Variants in MCC observed in about 807,000 individuals in gnomAD.
MCC encodes MCC regulator of Wnt signaling pathway.
Under a neutral mutation model 116.2 loss-of-function variants are expected in MCC, and 90 were observed. The observed-to-expected ratio is 0.77, with a 90% CI of 0.65 to 0.92. The LOEUF is 0.92. MCC is among the 40% of genes least tolerant of loss of function. The pLI is 0.00. For missense variants in MCC, 1,516 were observed against 1,312.2 expected, an observed-to-expected ratio of 1.16 and a Z score of -2.40; for synonymous variants, 578 against 510.5, an observed-to-expected ratio of 1.13 and a Z score of -1.78.
At chr5:113,283,367 G>A (rs963187169) in intron 3 of MCC, among the ~76,000 whole-genome samples, 12 of 152,166 alleles carry the variant, frequency 7.9e-5, no homozygotes, top group African/African-American at 2.9e-4. Context: ...TTAAGGACTT[G>A]AACAGATATT....
chr5:113,483,228 C>T (rs1772425272), intron 1 of MCC, among the ~76,000 whole-genome samples: 1 of 152,152 alleles, frequency 6.6e-6, no homozygotes, highest in African/African-American at 2.4e-5. Flanking sequence ...TGTTCTTTTT[C>T]AAGATTGTTT....
chr5:113,307,300 ACTT>A (rs1767013178), intron 3 of MCC, among the ~76,000 whole-genome samples: 1 of 152,184 alleles, frequency 6.6e-6, no homozygotes, highest in Non-Finnish European at 1.5e-5. Flanking sequence ...CTTTTCGTTT[ACTT>A]AAGTTTGCTT....
At chr5:113,385,346 C>T in intron 1 of MCC, 134 bp from the exon 2 acceptor site, 1 of 942,318 alleles carries the variant, frequency 1.1e-6, no homozygotes, top group Non-Finnish European at 1.6e-6. Context: ...CTCATTGTTT[C>T]TAGAAAAGTG....
At chr5:113,309,780 C>T (rs1767092234) in intron 3 of MCC, among the ~76,000 whole-genome samples, 2 of 152,110 alleles carry the variant, frequency 1.3e-5, no homozygotes, top group African/African-American at 4.8e-5. Flanking sequence ...TGGTCTGTTA[C>T]ACATTCTTAA....
At chr5:113,316,103 A>G (rs764461535) in intron 3 of MCC, among the ~76,000 whole-genome samples, 1 of 152,032 alleles carries the variant, frequency 6.6e-6, no homozygotes, top group Non-Finnish European at 1.5e-5. Context: ...TAAAAATACA[A>G]AACTTAGCTG....
chr5:113,174,345 T>G (rs1761220754), intron 3 of MCC, among the ~76,000 whole-genome samples: 1 of 152,212 alleles, frequency 6.6e-6, no homozygotes, highest in South Asian at 2.1e-4. Flanking sequence ...GTACCTACAC[T>G]GCTGGTATGG....
intron 13 of MCC, among the ~76,000 whole-genome samples, chr5:113,064,693 T>C (rs1379989651): frequency 6.6e-6 from 1 of 152,186 alleles, no homozygotes; most frequent in African/African-American, 2.4e-5. Flanking sequence ...GTATTATAGG[T>C]ACCGATGCCA....
At chr5:113,389,197 G>C (rs1769346146) in intron 1 of MCC, among the ~76,000 whole-genome samples, 1 of 152,192 alleles carries the variant, frequency 6.6e-6, no homozygotes, top group South Asian at 2.1e-4. Flanking sequence ...TGGAGAACTT[G>C]AATCGCAGGG....
At chr5:113,482,414 C>T (rs1451623054) in intron 1 of MCC, among the ~76,000 whole-genome samples, 1 of 152,144 alleles carries the variant, frequency 6.6e-6, no homozygotes, top group Non-Finnish European at 1.5e-5. Context: ...ACATCCTTGT[C>T]AACACTTATT....
At chr5:113,208,373 G>C (rs1451909244) in intron 3 of MCC, among the ~76,000 whole-genome samples, 8 of 152,132 alleles carry the variant, frequency 5.3e-5, no homozygotes, top group Non-Finnish European at 1.0e-4. Context: ...AGAGTGCCTT[G>C]AACTACTGCA....
At chr5:113,131,243 G>C (rs1332010156) in intron 5 of MCC, among the ~76,000 whole-genome samples, 2 of 152,106 alleles carry the variant, frequency 1.3e-5, no homozygotes, top group African/African-American at 4.8e-5. Flanking sequence ...AATTTGCTTA[G>C]AAATCCTTTT....
At chr5:113,345,915 C>T (rs1561532592) in intron 2 of MCC, among the ~76,000 whole-genome samples, 1 of 152,166 alleles carries the variant, frequency 6.6e-6, no homozygotes, top group Non-Finnish European at 1.5e-5. Flanking sequence ...CCTGGAGAAA[C>T]AGAGATATAT....
chr5:113,106,514 CTGA>C (rs1273395151), intron 6 of MCC, among the ~76,000 whole-genome samples: 1 of 152,038 alleles, frequency 6.6e-6, no homozygotes, highest in Non-Finnish European at 1.5e-5. Flanking sequence ...TTTGTCTAGG[CTGA>C]TTTTTTAAAA....
intron 6 of MCC, among the ~76,000 whole-genome samples, chr5:113,105,642 A>G (rs1032318771): frequency 6.6e-6 from 1 of 151,600 alleles, no homozygotes; most frequent in Admixed American, 6.6e-5. Flanking sequence ...TGTGACCACA[A>G]CCTCCAAAAC....
At chr5:113,288,168 G>C (rs551915349) in intron 3 of MCC, among the ~76,000 whole-genome samples, 171 of 152,350 alleles carry the variant, frequency 1.1e-3, no homozygotes, top group African/African-American at 4.0e-3. Flanking sequence ...CCGCTGCCTT[G>C]CCATGCAGCC....
In MCC at chr5:113,488,361, GCCGCCGCCGCTGCTGGAGCTCC is replaced by G. The variant is rs1772614045; in HGVS notation, c.32_53del (p.Gly11AlafsTer44). 1 of 1,519,382 alleles carries G rather than the reference GCCGCCGCCGCTGCTGGAGCTCC, an allele frequency of 6.6e-7. No homozygotes were observed. Among genetic ancestry groups the G allele is most frequent in the East Asian group, 2.8e-5 (1 of 35,106 alleles). The allele number at this position is 1,519,382 out of a possible 1,614,324, so 94.1% of individuals were successfully genotyped here. The stretch of plus-strand genomic sequence containing the variant: ...TGCTGCTGCTGCCGCTGCCGCCGCC[GCCGCCGCCGCTGCTGGAGCTCC>G]CCGCAGCCGCTGCCGCCGCGGCCGC... On this transcript the variant is annotated frameshift_variant, in exon 1 of 19. Transcript: ENST00000408903. LOFTEE classifies it high-confidence loss of function.
intron 3 of MCC, among the ~76,000 whole-genome samples, chr5:113,225,350 T>A (rs530924739): frequency 1.6e-4 from 24 of 152,348 alleles, no homozygotes; most frequent in African/African-American, 5.5e-4. Flanking sequence ...TCACTTGAAT[T>A]CTGCCACCAT....
At chr5:113,326,092 A>G (rs531960405) in intron 3 of MCC, among the ~76,000 whole-genome samples, 1 of 152,218 alleles carries the variant, frequency 6.6e-6, no homozygotes, top group Non-Finnish European at 1.5e-5. Context: ...ATGCACAGGT[A>G]TGAAAAATGT....
chr5:113,074,435 A>G (rs1477090143), intron 11 of MCC, among the ~76,000 whole-genome samples: 2 of 152,278 alleles, frequency 1.3e-5, no homozygotes, highest in East Asian at 3.8e-4. Flanking sequence ...GGGAGAAACC[A>G]GAGCAGAAAA....
Sources: gnomAD v4.1 joint callset for allele counts (sites outside exome capture counted in the v4.1 genomes callset) on GRCh38, gnomAD v4.1.1 for gene constraint, MANE v1.5 for transcripts, NCBI Gene and HGNC (gene_info 2026-07-23, HGNC 2026-07-21) for gene names.